The following EPB41L5 variants were observed in gnomAD, a reference collection of about 807,000 sequenced individuals.
EPB41L5 encodes erythrocyte membrane protein band 4.1 like 5.
In EPB41L5, 55 loss-of-function variants were observed where a neutral mutation model predicts 106.6. The observed-to-expected ratio is 0.52, with a 90% confidence interval of 0.42 to 0.65. The LOEUF is 0.65. Among genes scored for constraint, EPB41L5 ranks in the 30% least tolerant of loss-of-function variants. The pLI is 0.00. For synonymous variants in EPB41L5, 297 were observed against 306.7 expected (o/e 0.97, Z 0.33); for missense variants, 871 against 882.1 (o/e 0.99, Z 0.16).
intron 5 of EPB41L5, among the ~76,000 whole-genome samples, chr2:120,074,860 C>T (rs921510184): frequency 6.6e-6 from 1 of 152,168 alleles, no homozygotes; most frequent in Non-Finnish European, 1.5e-5. Flanking sequence ...AGATGTCTCG[C>T]TCTGTCATCT....
In EPB41L5 at chr2:120,160,876, C is replaced by T. The variant is rs1355204074; in HGVS notation, c.1794-5C>T. 6 of 1,606,220 alleles carry T rather than the reference C, an allele frequency of 3.7e-6. No homozygotes were observed. Among genetic ancestry groups the T allele is most frequent in the African/African-American group, 1.3e-5 (1 of 74,696 alleles). ...CATGATGTGAATTTATCTTTTTCTTCCTAGTGCTGTGTTAAATGAGAATAA... is the reference window on the plus strand; with the variant it reads ...CATGATGTGAATTTATCTTTTTCTTTCTAGTGCTGTGTTAAATGAGAATAA... On this transcript the variant is annotated splice_polypyrimidine_tract_variant and splice_region_variant and intron_variant, in intron 20 of 24. Coordinates refer to ENST00000263713, the MANE Select transcript of EPB41L5 (RefSeq NM_020909.4).
intron 17 of EPB41L5, among the ~76,000 whole-genome samples, chr2:120,128,531 T>G (rs1347560834): frequency 1.3e-5 from 2 of 152,202 alleles, no homozygotes; most frequent in African/African-American, 2.4e-5. Flanking sequence ...CTAAGTATGC[T>G]GTTGTCTCTG....
chr2:120,055,595 T>C (rs2105263864), intron 3 of EPB41L5, among the ~76,000 whole-genome samples: 1 of 150,522 alleles, frequency 6.6e-6, no homozygotes, highest in South Asian at 2.1e-4. Context: ...TTCACGCCAT[T>C]CTCCTGCCTC....
intron 3 of EPB41L5, among the ~76,000 whole-genome samples, chr2:120,049,259 G>A (rs1325639637): frequency 6.6e-6 from 1 of 152,092 alleles, no homozygotes; most frequent in East Asian, 1.9e-4. Flanking sequence ...GTTGACAGTG[G>A]GGTGTTAAAG....
chr2:120,023,263 A>G (rs1270122623), intron 2 of EPB41L5, among the ~76,000 whole-genome samples: 2 of 152,152 alleles, frequency 1.3e-5, no homozygotes, highest in East Asian at 1.9e-4. Context: ...GCCCATGCCT[A>G]TGTCCTAAAT....
At chr2:120,169,245 GTCTT>G (rs896652058) in intron 24 of EPB41L5, among the ~76,000 whole-genome samples, 15 of 152,150 alleles carry the variant, frequency 9.9e-5, no homozygotes, top group Non-Finnish European at 1.5e-4. Context: ...GGAAAGAATG[GTCTT>G]TCTTTTAGTA....
intron 13 of EPB41L5, among the ~76,000 whole-genome samples, chr2:120,092,846 A>G (rs1053700772): frequency 2.4e-4 from 36 of 152,230 alleles, no homozygotes; most frequent in African/African-American, 7.2e-4. Flanking sequence ...AGGAGGAGAT[A>G]TATATGCATT....
At chr2:120,163,268 C>T (rs1397551210) in intron 21 of EPB41L5, among the ~76,000 whole-genome samples, 1 of 140,338 alleles carries the variant, frequency 7.1e-6, no homozygotes, top group Admixed American at 7.0e-5. Flanking sequence ...GCCCCCCCCC[C>T]CCCCAAAAAA....
chr2:120,106,782 C>T (rs1684477423), intron 16 of EPB41L5: 1 of 985,242 alleles, frequency 1.0e-6, no homozygotes. Flanking sequence ...ATAAGATCAT[C>T]GTCTCTTTTT....
chr2:120,063,120 A>G (rs542936796), intron 3 of EPB41L5, among the ~76,000 whole-genome samples: 9 of 152,150 alleles, frequency 5.9e-5, no homozygotes, highest in African/African-American at 2.2e-4. Flanking sequence ...TGGGCAGATC[A>G]TATGAGGTCA....
chr2:120,060,731 A>C (rs1680979531), intron 3 of EPB41L5, among the ~76,000 whole-genome samples: 3 of 152,174 alleles, frequency 2.0e-5, no homozygotes, highest in African/African-American at 7.2e-5. Context: ...ATAAAATGAC[A>C]CAGAACTATA....
chr2:120,137,628 A>G (rs537554570), intron 18 of EPB41L5, among the ~76,000 whole-genome samples: 1 of 152,236 alleles, frequency 6.6e-6, no homozygotes, highest in South Asian at 2.1e-4. Flanking sequence ...TCCTAGACAC[A>G]TGCAGCCTAC....
chr2:120,042,620 G>A (rs1679471228), intron 3 of EPB41L5, among the ~76,000 whole-genome samples: 1 of 152,100 alleles, frequency 6.6e-6, no homozygotes, highest in South Asian at 2.1e-4. Context: ...GAAAGTTGGA[G>A]GCTATTCAAA....
intron 2 of EPB41L5, among the ~76,000 whole-genome samples, chr2:120,028,345 G>A (rs1011687109): frequency 3.3e-5 from 5 of 152,034 alleles, no homozygotes; most frequent in South Asian, 2.1e-4. Flanking sequence ...ACTAGTCTGG[G>A]CAACACATGG....
intron 3 of EPB41L5, among the ~76,000 whole-genome samples, chr2:120,053,252 C>T (rs10167023): frequency 9.8e-4 from 149 of 152,096 alleles, no homozygotes; most frequent in African/African-American, 3.5e-3. Flanking sequence ...GAGTAGGAAG[C>T]TTAAAGAGAA....
Position 120,121,838 on chromosome 2 carries a change from C to G in EPB41L5, c.1338-5850C>G, listed in dbSNP as rs10178914. 1.9e-3 allele frequency among the ~76,000 whole-genome samples: 286 copies of G among 152,330 alleles called. 1 individual carries two copies. The highest frequency in any genetic ancestry group is 6.5e-3 in the African/African-American group (270 of 41,578). ...TATTTCTCCACATCCTCTCCAGCAT[C>G]TGTTGTTTCCTGACTTTTTAATGAT... is the stretch of plus-strand genomic sequence containing the variant. On this transcript the variant is annotated intron_variant, in intron 16 of 24. Transcript: ENST00000263713.
At chr2:120,103,805 C>A (rs961135874) in intron 16 of EPB41L5, among the ~76,000 whole-genome samples, 5 of 152,172 alleles carry the variant, frequency 3.3e-5, no homozygotes, top group Non-Finnish European at 7.4e-5. Context: ...GAAATTTCTT[C>A]TTTAATTCAC....
At chr2:120,048,217 T>A (rs993394042) in intron 3 of EPB41L5, among the ~76,000 whole-genome samples, 4 of 152,216 alleles carry the variant, frequency 2.6e-5, no homozygotes, top group Non-Finnish European at 4.4e-5. Flanking sequence ...TCAATTGGAA[T>A]AGTTTCAGAG....
chr2:120,069,377 C>T (rs577890409), intron 3 of EPB41L5, among the ~76,000 whole-genome samples: 10 of 152,104 alleles, frequency 6.6e-5, no homozygotes, highest in African/African-American at 2.4e-4. Flanking sequence ...TAGTGGGAGA[C>T]TTTAACACCC....
Sources: gnomAD v4.1 joint callset for allele counts (sites outside exome capture counted in the v4.1 genomes callset) on GRCh38, gnomAD v4.1.1 for gene constraint, MANE v1.5 for transcripts, NCBI Gene and HGNC (gene_info 2026-07-23, HGNC 2026-07-21) for gene names.